SNX29: variants seen among roughly 807,000 people sequenced by gnomAD.
The protein encoded by SNX29 is sorting nexin-29.
Under a neutral mutation model 102.1 loss-of-function variants are expected in SNX29, and 78 were observed. The observed-to-expected ratio is 0.76, with a 90% CI of 0.64 to 0.92. The LOEUF (loss-of-function observed/expected upper bound fraction) is 0.92. SNX29 is among the 40% of genes least tolerant of loss of function. The pLI is 0.00. For synonymous variants in SNX29, 580 were observed against 414.5 expected, an observed-to-expected ratio of 1.40 and a Z score of -4.85; for missense variants, 1,280 against 1,061.7, an observed-to-expected ratio of 1.21 and a Z score of -2.86.
At chr16:12,079,062 G>T in intron 11 of SNX29, 147 bp downstream of exon 11, 1 of 712,210 alleles carries the variant, frequency 1.4e-6, no homozygotes, top group Non-Finnish European at 2.3e-6. Context: ...TGTGGTACGT[G>T]CTTGTGGATA....
At chr16:12,553,456 C>G (rs983195509) in intron 20 of SNX29, among the ~76,000 whole-genome samples, 1 of 152,108 alleles carries the variant, frequency 6.6e-6, no homozygotes, top group East Asian at 1.9e-4. Flanking sequence ...TGGTGTAGAC[C>G]AGCTCAGACC....
rs28572656 is a variant in SNX29, at chr16:12,513,671, G to C, written c.2179-11031G>C. Among the ~76,000 whole-genome samples, 471 of 152,240 alleles carry C rather than the reference G, an allele frequency of 3.1e-3. 6 individuals carry two copies. Among genetic ancestry groups the C allele is most frequent in the African/African-American group, 0.011 (442 of 41,542 alleles). ...TCAGGACCTTCCTCATGAATATTTG[G>C]GGCCAAGTCCCAGTATAAAGATTAG... On this transcript the variant is annotated intron_variant, in intron 19 of 20. Coordinates refer to ENST00000566228, the MANE Select transcript of SNX29 (RefSeq NM_032167.5).
chr16:12,317,418 T>G (rs1004312095), intron 15 of SNX29, among the ~76,000 whole-genome samples: 2 of 152,254 alleles, frequency 1.3e-5, no homozygotes, highest in African/African-American at 4.8e-5. Context: ...TGGGGCTTAA[T>G]GACTCATTGA....
chr16:12,497,248 A>C (rs977663016), intron 19 of SNX29, among the ~76,000 whole-genome samples: 2 of 152,244 alleles, frequency 1.3e-5, no homozygotes, highest in Non-Finnish European at 2.9e-5. Context: ...AAGCTTCATT[A>C]ATTTCTAGAT....
chr16:12,497,916 A>G (rs1472458736), intron 19 of SNX29, among the ~76,000 whole-genome samples: 1 of 152,138 alleles, frequency 6.6e-6, no homozygotes, highest in Non-Finnish European at 1.5e-5. Context: ...TCATCCCTGG[A>G]TGGAGGGGTG....
chr16:12,517,111 T>C (rs1045630809), intron 19 of SNX29, among the ~76,000 whole-genome samples: 2 of 152,216 alleles, frequency 1.3e-5, no homozygotes, highest in African/African-American at 4.8e-5. Context: ...GATGGCGTTA[T>C]GGTAGGAATA....
rs2079190030 is a variant in SNX29 at position 12,571,646 on chromosome 16, A to G, written c.*3017A>G. On this transcript the variant is annotated 3_prime_UTR_variant, in exon 21 of 21. Coordinates refer to ENST00000566228, the MANE Select transcript of SNX29 (RefSeq NM_032167.5). ...TCTTTTTTTCTCCCCCAGATGAAAG[A>G]CGACTCAGGAACGGTAGGGCTGGGC... 1 of 1,058,644 alleles carries G rather than the reference A, an allele frequency of 9.4e-7. No homozygotes were observed. Among genetic ancestry groups the G allele is most frequent in the Non-Finnish European group, 1.1e-6 (1 of 875,446 alleles). 65.6% of individuals were successfully genotyped at this position (1,058,644 alleles called of 1,614,324 possible). A position where few individuals can be genotyped will look rare whatever the true frequency, so the allele number is the denominator to read the frequency against.
intron 18 of SNX29, among the ~76,000 whole-genome samples, chr16:12,438,385 C>T (rs79536141): frequency 0.025 from 3,800 of 152,248 alleles, 67 homozygotes; most frequent in Non-Finnish European, 0.036. Context: ...TGTCCTTCTC[C>T]TTTCCCCCTT....
chr16:12,357,432 C>G (rs1280142412), intron 16 of SNX29, among the ~76,000 whole-genome samples: 3 of 152,162 alleles, frequency 2.0e-5, no homozygotes, highest in African/African-American at 7.2e-5. Context: ...TGCCTCATAC[C>G]TTTGAATAGT....
chr16:12,513,578 C>T (rs961672754), intron 19 of SNX29, among the ~76,000 whole-genome samples: 1 of 152,170 alleles, frequency 6.6e-6, no homozygotes, highest in Admixed American at 6.5e-5. Flanking sequence ...GCCTGATGAA[C>T]AAGCTGCAGG....
At chr16:12,059,646 G>A (rs989499417) in intron 8 of SNX29, among the ~76,000 whole-genome samples, 8 of 152,084 alleles carry the variant, frequency 5.3e-5, no homozygotes, top group Non-Finnish European at 1.0e-4. Flanking sequence ...CCCTGCCTGC[G>A]GACCAAACCC....
intron 14 of SNX29, among the ~76,000 whole-genome samples, chr16:12,228,883 G>A (rs1408335541): frequency 6.6e-6 from 1 of 152,250 alleles, no homozygotes; most frequent in Non-Finnish European, 1.5e-5. Flanking sequence ...CAAAGCTGGT[G>A]ATGCGGGGCA....
chr16:12,207,213 A>G (rs2077066722), intron 14 of SNX29, among the ~76,000 whole-genome samples: 1 of 152,108 alleles, frequency 6.6e-6, no homozygotes, highest in African/African-American at 2.4e-5. Context: ...TACTAAAAAT[A>G]CAAAAATTAG....
intron 14 of SNX29, among the ~76,000 whole-genome samples, chr16:12,219,429 T>C (rs927202292): frequency 6.6e-6 from 1 of 152,196 alleles, no homozygotes; most frequent in Non-Finnish European, 1.5e-5. Context: ...AACGTTCTCA[T>C]GTTTTATGTC....
intron 11 of SNX29, among the ~76,000 whole-genome samples, chr16:12,088,497 C>T (rs772232084): frequency 1.3e-4 from 20 of 152,112 alleles, no homozygotes; most frequent in Non-Finnish European, 2.9e-4. Flanking sequence ...GCTCAGGGAG[C>T]GTAAGGACAT....
intron 13 of SNX29, among the ~76,000 whole-genome samples, chr16:12,193,139 T>G (rs1026029352): frequency 2.0e-5 from 3 of 152,214 alleles, no homozygotes; most frequent in Non-Finnish European, 4.4e-5. Flanking sequence ...CCAAAACATT[T>G]ATCATAATGT....
At chr16:12,016,509 C>G (rs1010221265) in intron 3 of SNX29, among the ~76,000 whole-genome samples, 6 of 152,204 alleles carry the variant, frequency 3.9e-5, no homozygotes, top group Non-Finnish European at 7.4e-5. Flanking sequence ...TTATCTAGAG[C>G]GGCTGTACCA....
At chr16:12,037,588 G>C (rs1292197633) in intron 4 of SNX29, among the ~76,000 whole-genome samples, 1 of 152,128 alleles carries the variant, frequency 6.6e-6, no homozygotes, top group African/African-American at 2.4e-5. Flanking sequence ...AGTAGGGGGA[G>C]GTTAGGATAG....
At chr16:12,145,856 T>G (rs867075196) in intron 13 of SNX29, among the ~76,000 whole-genome samples, 12 of 152,264 alleles carry the variant, frequency 7.9e-5, no homozygotes, top group African/African-American at 2.2e-4. Flanking sequence ...TTTTTTCCCT[T>G]GTAGGATTAG....
Sources: allele counts gnomAD v4.1 joint callset (sites outside exome capture counted in the v4.1 genomes callset), GRCh38; gene constraint gnomAD v4.1.1; transcripts MANE v1.5; gene names NCBI Gene and HGNC (gene_info 2026-07-23, HGNC 2026-07-21).